The following KDM2B variants were observed in gnomAD, a reference collection of about 807,000 sequenced individuals.
KDM2B encodes lysine-specific demethylase 2B.
KDM2B carries 26 observed loss-of-function variants against 150.0 expected under a neutral mutation model. The ratio of observed to expected loss-of-function variants is 0.17; its 90% CI spans 0.13 to 0.24. The LOEUF is 0.24. Among genes scored for constraint, KDM2B ranks in the 10% least tolerant of loss-of-function variants. KDM2B has a pLI of 1.00. For synonymous variants in KDM2B, 734 were observed against 729.5 expected, an observed-to-expected ratio of 1.01 and a Z score of -0.10; for missense variants, 1,265 against 1,816.9, an observed-to-expected ratio of 0.70 and a Z score of 5.52.
At position 121,534,222 on chromosome 12, in the gene KDM2B, A is replaced by G. The variant is rs1249205646; in HGVS notation, c.777+275T>C. Among the ~76,000 whole-genome samples, 5 of 151,770 alleles carry G rather than the reference A, an allele frequency of 3.3e-5. No individual in the cohort carries two copies. The South Asian group carries it at 8.3e-4, about 25-fold the overall frequency. On this transcript the variant is annotated intron_variant, in intron 7 of 22. Transcript: ENST00000377071. ...AAATTAGCAGGGCGTGGTAGCAGGC[A>G]CTTGTAGTCCCAGCTACTCAGGAGG...
intron 13 of KDM2B, among the ~76,000 whole-genome samples, chr12:121,449,333 G>T (rs1876837565): frequency 6.6e-6 from 1 of 152,138 alleles, no homozygotes; most frequent in Non-Finnish European, 1.5e-5. Flanking sequence ...GATAGGTGGG[G>T]CTGCGTATGT....
At chr12:121,515,839 A>T (rs1182032007) in intron 9 of KDM2B, among the ~76,000 whole-genome samples, 13 of 152,148 alleles carry the variant, frequency 8.5e-5, no homozygotes, top group African/African-American at 2.9e-4. Context: ...GATCATGGCC[A>T]CCACATGCTC....
At chr12:121,536,721 T>C (rs1555308789) in intron 6 of KDM2B, among the ~76,000 whole-genome samples, 1 of 151,732 alleles carries the variant, frequency 6.6e-6, no homozygotes, top group Admixed American at 6.6e-5. Flanking sequence ...AGGCCTCAGC[T>C]GAACACAGTC....
At position 121,430,286 on chromosome 12, in the gene KDM2B, GACTA is replaced by G. The variant is rs1319789334; in HGVS notation, c.4009_*1del. 5.6e-6 allele frequency: 9 copies of G among 1,613,954 alleles called. No individual in the cohort carries two copies. The highest frequency in any genetic ancestry group is 5.0e-5 in the Admixed American group (3 of 59,988). On this transcript the variant is annotated stop_lost and 3_prime_UTR_variant, in exon 23 of 23. Transcript: ENST00000377071. The surrounding 1 kb of genome is among the most constrained non-coding windows in gnomAD (Gnocchi z 4.4). ...CCCCGTATTTACATACTTATCCTTG[GACTA>G]ACTCAGTTTTTGCAGGAGTTTTTCT...
At chr12:121,561,282 G>A (rs934974966) in intron 4 of KDM2B, among the ~76,000 whole-genome samples, 1 of 152,144 alleles carries the variant, frequency 6.6e-6, no homozygotes, top group Admixed American at 6.5e-5. Flanking sequence ...GCTCTTCCGA[G>A]AGCTCACAGA....
chr12:121,426,839 G>A (rs536163669), downstream of KDM2B, among the ~76,000 whole-genome samples: 137 of 152,024 alleles, frequency 9.0e-4, no homozygotes, highest in East Asian at 1.9e-4. Context: ...GGCCAGGCTG[G>A]TCTCAAACTC....
chr12:121,465,730 A>G (rs992922049), intron 12 of KDM2B, among the ~76,000 whole-genome samples: 1 of 152,226 alleles, frequency 6.6e-6, no homozygotes, highest in Non-Finnish European at 1.5e-5. Context: ...CAGTGGAGAC[A>G]TCAAAGCCCA....
rs780596568 is a variant in KDM2B at position 121,509,552 on chromosome 12, G to A, written c.1647+15C>T. ...CCTCCTCGGCCGCCCAGCCCCAGAC[G>A]CCACTCCTGCCCACCTTCACACCCT... is the stretch of plus-strand genomic sequence containing the variant. On this transcript the variant is annotated intron_variant, in intron 11 of 22. Coordinates refer to ENST00000377071, the MANE Select transcript of KDM2B (RefSeq NM_032590.5). 1.0e-5 allele frequency: 16 copies of A among 1,607,000 alleles called. No homozygotes were observed. The highest frequency in any genetic ancestry group is 4.4e-5 in the South Asian group (4 of 90,646).
intron 9 of KDM2B, among the ~76,000 whole-genome samples, chr12:121,514,181 C>A (rs1210160316): frequency 6.6e-6 from 1 of 152,154 alleles, no homozygotes; most frequent in African/African-American, 2.4e-5. Flanking sequence ...GTGGCACGAT[C>A]ATAGCTCACT....
At chr12:121,445,010 G>A (rs1404733390) in intron 14 of KDM2B, 4 of 478,774 alleles carry the variant, frequency 8.4e-6, no homozygotes, top group Non-Finnish European at 1.5e-5. Flanking sequence ...GCCTGTGTTT[G>A]CCATCTGCTG....
At chr12:121,536,289 A>G (rs1237146331) in intron 6 of KDM2B, 1 of 157,398 alleles carries the variant, frequency 6.4e-6, no homozygotes, top group Non-Finnish European at 1.4e-5. Flanking sequence ...AGCCTTAACC[A>G]TGTGTCTGCA....
downstream of KDM2B, among the ~76,000 whole-genome samples, chr12:121,425,999 C>A (rs1872495752): frequency 2.6e-5 from 4 of 152,066 alleles, no homozygotes; most frequent in South Asian, 8.3e-4. Flanking sequence ...AATCTCCTGA[C>A]CTCATGATCC....
Position 121,476,220 on chromosome 12 carries a change from G to A in KDM2B, c.1734+18359C>T, listed in dbSNP as rs556021468. On this transcript the variant is annotated intron_variant, in intron 12 of 22. Transcript: ENST00000377071. ...TGAGGCAGGAGAGTCACTCAAACCCGGGAGGCGGAGGTTGCAGTGAGCCAA... is the reference window on the plus strand; with the variant it reads ...TGAGGCAGGAGAGTCACTCAAACCCAGGAGGCGGAGGTTGCAGTGAGCCAA... Among the ~76,000 whole-genome samples, 10 of 152,076 alleles carry A rather than the reference G, an allele frequency of 6.6e-5. No individual in the cohort carries two copies. In the South Asian group the frequency reaches 1.5e-3, roughly 22 times the overall value.
chr12:121,533,252 G>T lies in KDM2B; in HGVS notation c.778-293C>A, dbSNP rs782273563. On this transcript the variant is annotated intron_variant, in intron 7 of 22. Coordinates refer to ENST00000377071, the MANE Select transcript of KDM2B (RefSeq NM_032590.5). This position sits in a 1 kb window ranked among gnomAD's most constrained non-coding sequence, Gnocchi z 4.1. ...GGACATGCTTTCTCCCGAACCACAG[G>T]CTTGTCTAGGAGGTGGGGGAAGGAG... Among the ~76,000 whole-genome samples, 3 of 152,164 alleles carry T rather than the reference G, an allele frequency of 2.0e-5. No homozygotes were observed. The highest frequency in any genetic ancestry group is 4.4e-5 in the Non-Finnish European group (3 of 68,028).
chr12:121,409,197 C>G, the KDM2B span, among the ~76,000 whole-genome samples: 1 of 152,144 alleles, frequency 6.6e-6, no homozygotes, highest in East Asian at 1.9e-4. Context: ...CCAGGCTGGT[C>G]TCAAACTCCT....
At chr12:121,579,747 C>T in intron 1 of KDM2B, 1 of 1,382,144 alleles carries the variant, frequency 7.2e-7, no homozygotes, top group East Asian at 3.2e-5. Context: ...AGATTCCGGG[C>T]GAACCCCGAG....
In KDM2B at chr12:121,442,738, G is replaced by T. The variant is rs1025799451; in HGVS notation, c.2703C>A (p.Pro901=). ...QEPEDELPEA[P]PKTRESDHSR... Reference sequence around the variant, plus strand: ...AGTGGTCGCTCTCCCTGGTCTTGGGGGGCGCCTCGGGCAGTTCGTCCTCGG... The same window carrying T: ...AGTGGTCGCTCTCCCTGGTCTTGGGTGGCGCCTCGGGCAGTTCGTCCTCGG... The change falls in exon 19 of 23, where the codon CCC becomes CCA. Residue 901 remains proline (P), a synonymous_variant. Transcript: ENST00000377071. The surrounding 1 kb of genome is among the most constrained non-coding windows in gnomAD (Gnocchi z 7.7). 9.0e-6 allele frequency: 14 copies of T among 1,557,324 alleles called. No homozygotes were observed. Among genetic ancestry groups the T allele is most frequent in the Non-Finnish European group, 1.2e-5 (14 of 1,156,830 alleles).
the KDM2B span, chr12:121,418,602 T>C: frequency 6.6e-6 from 1 of 152,324 alleles, no homozygotes; most frequent in East Asian, 1.9e-4. Flanking sequence ...GAGCCTGCAG[T>C]CTGATACTTG....
chr12:121,416,544 TA>T, the KDM2B span: 1 of 585,332 alleles, frequency 1.7e-6, no homozygotes, highest in African/African-American at 1.9e-5. Flanking sequence ...GGGATTATAT[TA>T]CTGCTCAAGT....
Sources: gnomAD v4.1 joint callset for allele counts (sites outside exome capture counted in the v4.1 genomes callset) on GRCh38, gnomAD v4.1.1 for gene constraint, Gnocchi (gnomAD v3.1) non-coding constraint, MANE v1.5 for transcripts, NCBI Gene and HGNC (gene_info 2026-07-23, HGNC 2026-07-21) for gene names.